CDK14: variants seen among roughly 807,000 people sequenced by gnomAD.
The protein encoded by CDK14 is cyclin-dependent kinase 14.
A neutral mutation model predicts 60.7 loss-of-function variants in CDK14; 34 were observed. The observed-to-expected ratio is 0.56, with a 90% CI of 0.43 to 0.75. The LOEUF (loss-of-function observed/expected upper bound fraction) is 0.75, where lower values mean the gene tolerates loss of function less well. Ranked by LOEUF, CDK14 falls within the 30% of genes least tolerant of loss-of-function variation. The pLI is 0.00. For synonymous variants in CDK14, 197 were observed against 203.7 expected, an observed-to-expected ratio of 0.97 and a Z score of 0.28; for missense variants, 482 against 564.1, an observed-to-expected ratio of 0.85 and a Z score of 1.47.
chr7:90,618,932 G>C (rs998991402), intron 2 of CDK14, among the ~76,000 whole-genome samples: 3 of 152,160 alleles, frequency 2.0e-5, no homozygotes, highest in African/African-American at 7.2e-5. Flanking sequence ...ATGAGAAGGA[G>C]CAGGGAAGTA....
intron 12 of CDK14, among the ~76,000 whole-genome samples, chr7:91,087,146 C>T (rs189572138): frequency 6.6e-6 from 1 of 152,230 alleles, no homozygotes; most frequent in Admixed American, 6.5e-5. Context: ...CCCATTCCAC[C>T]TTCTACTTAT....
rs1789139070 is a variant in CDK14, at chr7:90,811,947, C to A, written c.544+21295C>A. 3.3e-5 allele frequency among the ~76,000 whole-genome samples: 5 copies of A among 152,226 alleles called. No individual in the cohort carries two copies. The South Asian group carries it at 1.0e-3, about 32-fold the overall frequency. On this transcript the variant is annotated intron_variant, in intron 5 of 14. Coordinates refer to ENST00000380050, the MANE Select transcript of CDK14 (RefSeq NM_001287135.2). ...ATCTCACACCAGTTAGAATTGCGAT[C>A]ATTAAAAAGTCAGGAAACAACAGGT...
intron 5 of CDK14, among the ~76,000 whole-genome samples, chr7:90,858,930 T>C (rs2117206246): frequency 6.6e-6 from 1 of 152,330 alleles, no homozygotes; most frequent in African/African-American, 2.4e-5. Context: ...AAATGTATAG[T>C]GATTGTTTCT....
chr7:91,050,478 A>G (rs962098931), intron 11 of CDK14, among the ~76,000 whole-genome samples: 3 of 152,206 alleles, frequency 2.0e-5, no homozygotes, highest in African/African-American at 7.2e-5. Flanking sequence ...TGAAAGAACA[A>G]TTAGTTAAAA....
At chr7:91,202,967 A>T (rs1278322646) in intron 14 of CDK14, among the ~76,000 whole-genome samples, 1 of 152,240 alleles carries the variant, frequency 6.6e-6, no homozygotes, top group Non-Finnish European at 1.5e-5. Flanking sequence ...AAGAATCAGG[A>T]CAAGGCAAGA....
chr7:91,117,698 T>C (rs1476102138), intron 13 of CDK14, among the ~76,000 whole-genome samples: 1 of 152,214 alleles, frequency 6.6e-6, no homozygotes, highest in Non-Finnish European at 1.5e-5. Flanking sequence ...TTCTGATTTA[T>C]TTAGTACAGG....
chr7:90,812,576 C>G (rs953698379), intron 5 of CDK14, among the ~76,000 whole-genome samples: 3 of 152,006 alleles, frequency 2.0e-5, no homozygotes, highest in East Asian at 1.9e-4. Flanking sequence ...ATGTTACTAA[C>G]CTGCACATTG....
intron 5 of CDK14, among the ~76,000 whole-genome samples, chr7:90,855,948 A>G (rs775252445): frequency 3.3e-5 from 5 of 152,322 alleles, no homozygotes; most frequent in Non-Finnish European, 5.9e-5. Context: ...TGTAATTTCC[A>G]ATATCACATT....
At chr7:90,628,715 G>A (rs1015380879) in intron 2 of CDK14, among the ~76,000 whole-genome samples, 2 of 152,052 alleles carry the variant, frequency 1.3e-5, no homozygotes, top group Non-Finnish European at 2.9e-5. Context: ...CGTGCCTGTA[G>A]TCCCAGTTAC....
chr7:91,057,781 C>CA (rs1462349762), intron 11 of CDK14, among the ~76,000 whole-genome samples: 8 of 152,094 alleles, frequency 5.3e-5, no homozygotes, highest in African/African-American at 1.9e-4. Context: ...GTTTTGGTAC[C>CA]AATACCATGC....
At chr7:90,994,056 T>A (rs1196193541) in intron 10 of CDK14, among the ~76,000 whole-genome samples, 1 of 152,232 alleles carries the variant, frequency 6.6e-6, no homozygotes, top group African/African-American at 2.4e-5. Context: ...TTGTTCTGGT[T>A]ATTTTTTCTC....
At chr7:91,121,954 C>T (rs1383402478) in intron 14 of CDK14, among the ~76,000 whole-genome samples, 4 of 152,150 alleles carry the variant, frequency 2.6e-5, no homozygotes, top group African/African-American at 9.7e-5. Context: ...CTTAATTTTC[C>T]ACTTACTCTA....
In CDK14 at chr7:91,005,418, G is replaced by A. The variant is rs145314527; in HGVS notation, c.1041+21177G>A. Among the ~76,000 whole-genome samples, 13 of 152,318 alleles carry A rather than the reference G, an allele frequency of 8.5e-5. No homozygotes were observed. In the East Asian group the frequency reaches 2.5e-3, roughly 29 times the overall value. ...GAGAAATATTCCAATATCACAAGGA[G>A]GCAATGGAAGATACCCTTGGAGTGG... On this transcript the variant is annotated intron_variant, in intron 10 of 14. Coordinates refer to ENST00000380050, the MANE Select transcript of CDK14 (RefSeq NM_001287135.2).
intron 10 of CDK14, among the ~76,000 whole-genome samples, chr7:91,002,868 C>A (rs772095514): frequency 6.6e-6 from 1 of 152,002 alleles, no homozygotes; most frequent in African/African-American, 2.4e-5. Flanking sequence ...GTCAGGAGAT[C>A]GAGACCATCC....
chr7:91,058,417 G>T (rs1037700103), intron 11 of CDK14, among the ~76,000 whole-genome samples: 2 of 152,046 alleles, frequency 1.3e-5, no homozygotes, highest in East Asian at 1.9e-4. Context: ...CTGCCTGATT[G>T]CCCTGGCCAG....
intron 14 of CDK14, among the ~76,000 whole-genome samples, chr7:91,175,812 G>A (rs1801725659): frequency 6.9e-6 from 1 of 145,694 alleles, no homozygotes; most frequent in Non-Finnish European, 1.5e-5. Flanking sequence ...CATAAAGCAA[G>A]TCCTGAGTGA....
chr7:90,747,710 C>T lies in CDK14; in HGVS notation c.399C>T (p.Asp133=). 6.3e-7 allele frequency: 1 copy of T among 1,597,698 alleles called. No individual in the cohort carries two copies. The highest frequency in any genetic ancestry group is 8.5e-7 in the Non-Finnish European group (1 of 1,174,358). The part of the protein sequence containing the change: ...SPTSPKFGKA[D]SYEKLEKLGE... ...CAAGTCCCAAATTTGGAAAAGCTGA[C>T]TCATATGAAAAGCTGGAAAAACTAG... The change falls in exon 4 of 15, where the codon GAC becomes GAT. Residue 133 remains aspartate, a synonymous_variant. Coordinates refer to ENST00000380050, the MANE Select transcript of CDK14 (RefSeq NM_001287135.2).
At chr7:91,092,028 G>A (rs541138864) in intron 12 of CDK14, among the ~76,000 whole-genome samples, 12 of 152,042 alleles carry the variant, frequency 7.9e-5, no homozygotes, top group African/African-American at 1.2e-4. Flanking sequence ...AATGTGCAGC[G>A]TTTTAATCCT....
chr7:91,050,672 AAAGGAATTCATGAGACT>A (rs1280513019), intron 11 of CDK14, among the ~76,000 whole-genome samples: 1 of 152,214 alleles, frequency 6.6e-6, no homozygotes, highest in Non-Finnish European at 1.5e-5. Flanking sequence ...GTGTTGCTAT[AAAGGAATTCATGAGACT>A]AAGTAATTTA....
Sources: gnomAD v4.1 joint callset for allele counts (sites outside exome capture counted in the v4.1 genomes callset) on GRCh38, gnomAD v4.1.1 for gene constraint, MANE v1.5 for transcripts, NCBI Gene and HGNC (gene_info 2026-07-23, HGNC 2026-07-21) for gene names.